Variants in VPS36 observed in about 807,000 individuals in gnomAD.
The protein encoded by VPS36 is vacuolar protein-sorting-associated protein 36.
Under a neutral mutation model 63.5 loss-of-function variants are expected in VPS36, and 31 were observed. That is an observed-to-expected ratio of 0.49 (90% CI 0.37 to 0.66). The LOEUF (loss-of-function observed/expected upper bound fraction) is 0.66. Among genes scored for constraint, VPS36 ranks in the 30% least tolerant of loss-of-function variants. The probability of loss-of-function intolerance (pLI) is 0.00; values close to 1 mark genes in which losing one functional copy is unlikely to be tolerated. For synonymous variants in VPS36, 138 were observed against 157.2 expected (o/e 0.88, Z 0.91); for missense variants, 338 against 463.7 (o/e 0.73, Z 2.49).
chr13:52,432,387 AC>A (rs139180048), intron 6 of VPS36, among the ~76,000 whole-genome samples: 6,025 of 152,084 alleles, frequency 0.04, 131 homozygotes, highest in South Asian at 0.07. Context: ...AAACAAACAA[AC>A]CTAATTAGTC....
intron 10 of VPS36, among the ~76,000 whole-genome samples, chr13:52,420,789 G>A (rs1012955838): frequency 2.0e-5 from 3 of 151,952 alleles, no homozygotes; most frequent in South Asian, 2.1e-4. Flanking sequence ...CCATAAATAC[G>A]TACAACTATT....
chr13:52,450,614 C>G lies in VPS36; in HGVS notation c.-20G>C. 3 of 1,553,378 alleles carry G rather than the reference C, an allele frequency of 1.9e-6. No individual in the cohort carries two copies. Among genetic ancestry groups the G allele is most frequent in the Non-Finnish European group, 2.6e-6 (3 of 1,149,702 alleles). ...GTCCATGGCCGCTGCCACCCAGCCC[C>G]GGCCCTCCGAGGCCGCGAGCAGCGC... On this transcript the variant is annotated 5_prime_UTR_variant, in exon 1 of 14. Coordinates refer to ENST00000378060, the MANE Select transcript of VPS36 (RefSeq NM_016075.4).
chr13:52,433,905 G>C (rs1350697102), intron 5 of VPS36, among the ~76,000 whole-genome samples, 157 bp from the exon 6 acceptor site: 1 of 152,138 alleles, frequency 6.6e-6, no homozygotes, highest in Non-Finnish European at 1.5e-5. Context: ...TTCAAAACAT[G>C]TGTTTGTTTC....
intron 1 of VPS36, 52 bp downstream of exon 1, chr13:52,450,447 C>G: frequency 5.2e-6 from 8 of 1,542,200 alleles, no homozygotes; most frequent in Non-Finnish European, 6.1e-6. Flanking sequence ...GGCCGCGCGC[C>G]CACCGGGGGT....
intron 1 of VPS36, among the ~76,000 whole-genome samples, chr13:52,443,490 C>A (rs2137808016): frequency 6.6e-6 from 1 of 152,188 alleles, no homozygotes; most frequent in South Asian, 2.1e-4. Flanking sequence ...AAAGACCATG[C>A]AAGTACACAG....
At chr13:52,437,262 G>T (rs1958228681) in intron 3 of VPS36, among the ~76,000 whole-genome samples, 1 of 151,984 alleles carries the variant, frequency 6.6e-6, no homozygotes, top group African/African-American at 2.4e-5. Context: ...CCAGGCATTG[G>T]GCCTCCTCAA....
chr13:52,436,419 A>C lies in VPS36; in HGVS notation c.237-15T>G. ...CTATTTTGGCACTGAAGAAAGAACAAATGTAATATATTGAATTGTCTTTCA... is the reference window on the plus strand; with the variant it reads ...CTATTTTGGCACTGAAGAAAGAACACATGTAATATATTGAATTGTCTTTCA... On this transcript the variant is annotated splice_polypyrimidine_tract_variant and intron_variant, in intron 3 of 13. Coordinates refer to ENST00000378060, the MANE Select transcript of VPS36 (RefSeq NM_016075.4). 6.5e-7 allele frequency: 1 copy of C among 1,527,408 alleles called. No individual in the cohort carries two copies. The highest frequency in any genetic ancestry group is 9.0e-7 in the Non-Finnish European group (1 of 1,107,670). The allele number at this position is 1,527,408 out of a possible 1,614,324, so 94.6% of individuals were successfully genotyped here. A position where few individuals can be genotyped will look rare whatever the true frequency, so the allele number is the denominator to read the frequency against.
At chr13:52,447,168 C>T (rs1044267262) in intron 1 of VPS36, among the ~76,000 whole-genome samples, 2 of 152,122 alleles carry the variant, frequency 1.3e-5, no homozygotes, top group African/African-American at 2.4e-5. Context: ...TGAGCCACCA[C>T]GCCTGGCCCC....
intron 11 of VPS36, among the ~76,000 whole-genome samples, chr13:52,417,627 TG>T: frequency 6.6e-6 from 1 of 152,342 alleles, no homozygotes; most frequent in Middle Eastern, 3.4e-3. Flanking sequence ...CCCAAAGTGC[TG>T]GGATTACAGG....
intron 3 of VPS36, among the ~76,000 whole-genome samples, chr13:52,436,895 A>G (rs1321643347): frequency 6.6e-6 from 1 of 152,228 alleles, no homozygotes; most frequent in Non-Finnish European, 1.5e-5. Flanking sequence ...ATGCCACTCA[A>G]TCAACAGCAT....
At position 52,415,788 on chromosome 13, in the gene VPS36, G is replaced by A. The variant is rs1957987071; in HGVS notation, c.*42C>T. Reference sequence around the variant, plus strand: ...GCTCAATGTCATACAACCTCTACATGACGCAAGCATATGGACAAAAAGGAT... The same window carrying A: ...GCTCAATGTCATACAACCTCTACATAACGCAAGCATATGGACAAAAAGGAT... On this transcript the variant is annotated 3_prime_UTR_variant, in exon 14 of 14. Transcript: ENST00000378060. 3 of 1,580,828 alleles carry A rather than the reference G, an allele frequency of 1.9e-6. No individual in the cohort carries two copies. Among genetic ancestry groups the A allele is most frequent in the African/African-American group, 2.7e-5 (2 of 73,890 alleles).
intron 10 of VPS36, among the ~76,000 whole-genome samples, chr13:52,421,012 T>C (rs1026105700): frequency 1.3e-5 from 2 of 152,044 alleles, no homozygotes; most frequent in African/African-American, 4.8e-5. Flanking sequence ...TCCCAGCTAC[T>C]TGAGAAGCTG....
intron 10 of VPS36, among the ~76,000 whole-genome samples, chr13:52,418,530 G>A (rs1260278396): frequency 6.3e-5 from 8 of 127,514 alleles, no homozygotes; most frequent in Non-Finnish European, 6.2e-5. Context: ...AGCCGAGATC[G>A]CACCATGCAT....
chr13:52,434,970 T>TA, intron 4 of VPS36, 88 bp from the exon 5 acceptor site: 41 of 1,250,446 alleles, frequency 3.3e-5, no homozygotes, highest in Non-Finnish European at 3.9e-5. Context: ...TTTCTTTTTT[T>TA]CTTTTTTTTT....
intron 10 of VPS36, among the ~76,000 whole-genome samples, chr13:52,420,241 CA>C (rs377476548): frequency 0.018 from 1,980 of 107,124 alleles, 25 homozygotes; most frequent in African/African-American, 0.051. Context: ...AAGACTGTCT[CA>C]AAAAAAAAAA....
Position 52,427,173 on chromosome 13 carries a change from T to G in VPS36, c.561+14A>C. 1.2e-6 allele frequency: 2 copies of G among 1,612,246 alleles called. No individual in the cohort carries two copies. Among genetic ancestry groups the G allele is most frequent in the Non-Finnish European group, 1.7e-6 (2 of 1,178,942 alleles). The stretch of plus-strand genomic sequence containing the variant: ...ATAATTGGTATGAATTTAATAGGCA[T>G]AAATGACATATACCTTGATCATTAG... On this transcript the variant is annotated intron_variant, in intron 7 of 13. Transcript: ENST00000378060.
At position 52,436,424 on chromosome 13, in the gene VPS36, A is replaced by G. The variant is rs898960632; in HGVS notation, c.237-20T>C. The G allele has an allele frequency of 5.4e-6, 8 of 1,493,238 alleles. No homozygotes were observed. The highest frequency in any genetic ancestry group is 6.5e-6 in the Non-Finnish European group (7 of 1,081,842). The allele number at this position is 1,493,238 out of a possible 1,614,324, so 92.5% of individuals were successfully genotyped here. A position where few individuals can be genotyped will look rare whatever the true frequency, so the allele number is the denominator to read the frequency against. On this transcript the variant is annotated intron_variant, in intron 3 of 13. Coordinates refer to ENST00000378060, the MANE Select transcript of VPS36 (RefSeq NM_016075.4). ...TTGGCACTGAAGAAAGAACAAATGT[A>G]ATATATTGAATTGTCTTTCAAAAAA...
At position 52,448,561 on chromosome 13, in the gene VPS36, T is replaced by C. The variant is rs61959676; in HGVS notation, c.96+1938A>G. On this transcript the variant is annotated intron_variant, in intron 1 of 13. Coordinates refer to ENST00000378060, the MANE Select transcript of VPS36 (RefSeq NM_016075.4). ...AGATCACAGGGTCTAAAGCAATGTT[T>C]TCCCCATGATTTGTTTCTTAAACCT... 6.6e-5 allele frequency among the ~76,000 whole-genome samples: 10 copies of C among 152,338 alleles called. No individual in the cohort carries two copies. In the East Asian group the frequency reaches 1.9e-3, roughly 29 times the overall value.
At chr13:52,424,860 C>T (rs767140563) in intron 9 of VPS36, among the ~76,000 whole-genome samples, 5 of 151,810 alleles carry the variant, frequency 3.3e-5, no homozygotes, top group South Asian at 2.1e-4. Flanking sequence ...TGGTGGTGGG[C>T]GCCTGTAATC....
Sources: gnomAD v4.1 joint callset for allele counts (sites outside exome capture counted in the v4.1 genomes callset) on GRCh38, gnomAD v4.1.1 for gene constraint, MANE v1.5 for transcripts, NCBI Gene and HGNC (gene_info 2026-07-23, HGNC 2026-07-21) for gene names.